Variants in LRRC4C observed in about 807,000 individuals in gnomAD.
LRRC4C encodes the protein leucine-rich repeat-containing protein 4C.
LRRC4C carries 5 observed loss-of-function variants against 33.6 expected under a neutral mutation model. The observed-to-expected ratio is 0.15, with a 90% confidence interval of 0.08 to 0.31. LRRC4C has a LOEUF of 0.31. Ranked by LOEUF, LRRC4C falls within the 10% of genes least tolerant of loss-of-function variation. The probability of loss-of-function intolerance (pLI) is 1.00; values close to 1 mark genes in which losing one functional copy is unlikely to be tolerated. For missense variants in LRRC4C, 560 were observed against 796.7 expected (o/e 0.70, Z 3.58); for synonymous variants, 329 against 302.0 (o/e 1.09, Z -0.93).
At chr11:40,539,599 T>A (rs1273889073) in intron 3 of LRRC4C, among the ~76,000 whole-genome samples, 2 of 152,134 alleles carry the variant, frequency 1.3e-5, no homozygotes, top group Non-Finnish European at 2.9e-5. Context: ...TGGGGATAGT[T>A]GCAAAAGTCC....
intron 2 of LRRC4C, among the ~76,000 whole-genome samples, chr11:40,815,323 T>C (rs967029990): frequency 6.6e-6 from 1 of 152,118 alleles, no homozygotes; most frequent in Non-Finnish European, 1.5e-5. Flanking sequence ...ACTTGCCCCT[T>C]AATTCAATTA....
At chr11:41,043,177 T>C (rs1197938765) in intron 1 of LRRC4C, among the ~76,000 whole-genome samples, 1 of 147,438 alleles carries the variant, frequency 6.8e-6, no homozygotes, top group East Asian at 2.1e-4. Context: ...GTGCCTACAA[T>C]GGACATGGGA....
At chr11:41,448,303 GC>G (rs1426021155) in intron 1 of LRRC4C, among the ~76,000 whole-genome samples, 2 of 131,438 alleles carry the variant, frequency 1.5e-5, no homozygotes, top group African/African-American at 5.6e-5. Context: ...TTTACATAGA[GC>G]TTTTTTTTTT....
intron 1 of LRRC4C, among the ~76,000 whole-genome samples, chr11:41,358,378 C>T (rs1952235111): frequency 6.6e-6 from 1 of 151,940 alleles, no homozygotes; most frequent in South Asian, 2.1e-4. Context: ...AGTCATGATC[C>T]ATGAAACAAA....
intron 2 of LRRC4C, among the ~76,000 whole-genome samples, chr11:40,812,818 C>T (rs144746354): frequency 6.6e-6 from 1 of 151,910 alleles, no homozygotes; most frequent in Non-Finnish European, 1.5e-5. Flanking sequence ...GAGAAACCTT[C>T]GGTTACCTAT....
chr11:41,103,630 G>GC (rs1941328454), intron 1 of LRRC4C, among the ~76,000 whole-genome samples: 2 of 151,870 alleles, frequency 1.3e-5, no homozygotes. Flanking sequence ...GCTTTCCATT[G>GC]CCCAAGGGAT....
chr11:41,388,107 C>T (rs952597739), intron 1 of LRRC4C, among the ~76,000 whole-genome samples: 1 of 151,698 alleles, frequency 6.6e-6, no homozygotes. Flanking sequence ...TTATACACTG[C>T]TTTAAGATTT....
intron 1 of LRRC4C, among the ~76,000 whole-genome samples, chr11:41,225,227 G>T (rs753570663): frequency 1.8e-4 from 28 of 152,130 alleles, no homozygotes; most frequent in Non-Finnish European, 2.2e-4. Flanking sequence ...CCTAGTATTT[G>T]ATAGCACAAC....
intron 1 of LRRC4C, among the ~76,000 whole-genome samples, chr11:41,055,756 T>C (rs1372031426): frequency 6.6e-6 from 1 of 152,082 alleles, no homozygotes; most frequent in Non-Finnish European, 1.5e-5. Context: ...TATGCTACAG[T>C]AAAGAATAGA....
intron 3 of LRRC4C, among the ~76,000 whole-genome samples, chr11:40,363,803 T>G (rs1267416328): frequency 6.6e-6 from 1 of 152,190 alleles, no homozygotes; most frequent in Non-Finnish European, 1.5e-5. Flanking sequence ...GCTTTGAACC[T>G]CTGGAACCAA....
At chr11:40,901,453 T>C (rs564159847) in intron 2 of LRRC4C, among the ~76,000 whole-genome samples, 35 of 152,208 alleles carry the variant, frequency 2.3e-4, no homozygotes, top group South Asian at 1.2e-3. Context: ...CTAAACATCT[T>C]TGAAGGCCAT....
chr11:41,354,316 G>C (rs1311057477), intron 1 of LRRC4C, among the ~76,000 whole-genome samples: 1 of 151,986 alleles, frequency 6.6e-6, no homozygotes, highest in African/African-American at 2.4e-5. Context: ...TAGGTAACTA[G>C]GGAAGTGAAA....
At chr11:40,566,087 T>TA (rs1491313868) in intron 3 of LRRC4C, among the ~76,000 whole-genome samples, 5 of 30,530 alleles carry the variant, frequency 1.6e-4, no homozygotes, top group African/African-American at 4.5e-4. Flanking sequence ...TTTTACTAAG[T>TA]TTTTTTTTTT....
chr11:40,593,752 G>A (rs1016446163), intron 3 of LRRC4C, among the ~76,000 whole-genome samples: 19 of 152,218 alleles, frequency 1.2e-4, no homozygotes, highest in African/African-American at 3.4e-4. Flanking sequence ...TTTCATCTTC[G>A]AAAATTTCCT....
chr11:41,211,450 G>A (rs556745871), intron 1 of LRRC4C, among the ~76,000 whole-genome samples: 4 of 152,160 alleles, frequency 2.6e-5, no homozygotes, highest in African/African-American at 9.6e-5. Flanking sequence ...GTTTACATTA[G>A]GTATGTCTCC....
chr11:41,220,936 A>G (rs1171323204), intron 1 of LRRC4C, among the ~76,000 whole-genome samples: 1 of 152,208 alleles, frequency 6.6e-6, no homozygotes, highest in Non-Finnish European at 1.5e-5. Context: ...TGTTACTACT[A>G]TTAAATTACT....
At chr11:40,538,788 C>T (rs902878127) in intron 3 of LRRC4C, among the ~76,000 whole-genome samples, 3 of 152,164 alleles carry the variant, frequency 2.0e-5, no homozygotes, top group South Asian at 2.1e-4. Context: ...TATTTCTCCA[C>T]GTCCTCTGCA....
At chr11:40,977,672 A>G (rs1340713434) in intron 1 of LRRC4C, among the ~76,000 whole-genome samples, 1 of 152,186 alleles carries the variant, frequency 6.6e-6, no homozygotes, top group Non-Finnish European at 1.5e-5. Context: ...TTCCTGTTTT[A>G]AACTCTGTCC....
chr11:41,096,731 G>A (rs1220877296), intron 1 of LRRC4C, among the ~76,000 whole-genome samples: 1 of 152,098 alleles, frequency 6.6e-6, no homozygotes, highest in Non-Finnish European at 1.5e-5. Context: ...AAAGATGGAG[G>A]GACTTGGACT....
Sources: allele counts gnomAD v4.1 joint callset (sites outside exome capture counted in the v4.1 genomes callset), GRCh38; gene constraint gnomAD v4.1.1; transcripts MANE v1.5; gene names NCBI Gene and HGNC (gene_info 2026-07-23, HGNC 2026-07-21).